VPS13B: variants seen among roughly 807,000 people sequenced by gnomAD.
VPS13B encodes the protein vacuolar protein sorting 13 homolog B, also known as intermembrane lipid transfer protein VPS13B.
A neutral mutation model predicts 426.4 loss-of-function variants in VPS13B; 285 were observed. The observed-to-expected ratio is 0.67, with a 90% CI of 0.61 to 0.74. The LOEUF (loss-of-function observed/expected upper bound fraction) is 0.74. Ranked by LOEUF, VPS13B falls within the 30% of genes least tolerant of loss-of-function variation. VPS13B has a pLI of 0.00. For missense variants in VPS13B, 4,537 were observed against 4,782.6 expected (o/e 0.95, Z 1.51); for synonymous variants, 1,676 against 1,676.4 (o/e 1.00, Z 0.01).
intron 19 of VPS13B, among the ~76,000 whole-genome samples, chr8:99,379,362 G>C (rs184378647): frequency 1.6e-4 from 25 of 151,986 alleles, no homozygotes; most frequent in African/African-American, 5.5e-4. Flanking sequence ...GCGGATGGGC[G>C]GGGGGGCAAC....
chr8:99,791,138 G>A (rs770152750), intron 43 of VPS13B, among the ~76,000 whole-genome samples: 2 of 152,112 alleles, frequency 1.3e-5, no homozygotes, highest in African/African-American at 2.4e-5. Flanking sequence ...GCAAGTTATG[G>A]TCAAGGGATT....
chr8:99,791,268 G>A (rs1417772163), intron 43 of VPS13B, among the ~76,000 whole-genome samples: 8 of 152,094 alleles, frequency 5.3e-5, no homozygotes, highest in Admixed American at 4.6e-4. Context: ...CAACTTTCAT[G>A]GTGTAAATAC....
chr8:99,412,492 A>T (rs566116820), intron 21 of VPS13B, among the ~76,000 whole-genome samples: 1 of 152,240 alleles, frequency 6.6e-6, no homozygotes, highest in East Asian at 1.9e-4. Flanking sequence ...GGGTTTTCTA[A>T]ATATACAATC....
At position 99,051,957 on chromosome 8, in the gene VPS13B, A is replaced by G. The variant is rs539148858; in HGVS notation, c.291+13391A>G. On this transcript the variant is annotated intron_variant, in intron 3 of 61. Coordinates refer to ENST00000357162, the MANE Select transcript of VPS13B (RefSeq NM_152564.5). ...TGAGATGATGGGGTTTTCTCGATATACAATCATGTCATCCACAAACAGGGA... is the reference window on the plus strand; with the variant it reads ...TGAGATGATGGGGTTTTCTCGATATGCAATCATGTCATCCACAAACAGGGA... Among the ~76,000 whole-genome samples, 9 of 152,338 alleles carry G rather than the reference A, an allele frequency of 5.9e-5. No homozygotes were observed. The East Asian group carries it at 1.7e-3, about 29-fold the overall frequency.
chr8:99,822,765 A>G (rs1403075880), intron 50 of VPS13B, among the ~76,000 whole-genome samples: 3 of 152,192 alleles, frequency 2.0e-5, no homozygotes, highest in Non-Finnish European at 4.4e-5. Context: ...TGTGGGTTAT[A>G]TCAGTATTTA....
chr8:99,021,419 G>A (rs1388760510), intron 2 of VPS13B, among the ~76,000 whole-genome samples: 3 of 152,022 alleles, frequency 2.0e-5, no homozygotes, highest in Non-Finnish European at 2.9e-5. Flanking sequence ...TCAGGAGTTC[G>A]AGACCAGCCT....
At chr8:99,572,099 A>G (rs1461016041) in intron 31 of VPS13B, among the ~76,000 whole-genome samples, 5 of 152,198 alleles carry the variant, frequency 3.3e-5, no homozygotes, top group Admixed American at 3.3e-4. Flanking sequence ...ATAAGGGAAT[A>G]ATAAGGGCAT....
chr8:99,343,648 CA>C (rs1811372366), intron 19 of VPS13B, among the ~76,000 whole-genome samples: 1 of 152,070 alleles, frequency 6.6e-6, no homozygotes, highest in South Asian at 2.1e-4. Context: ...ACACTAATAA[CA>C]AACTATCCGA....
chr8:99,577,278 C>T (rs1312976116), intron 32 of VPS13B, among the ~76,000 whole-genome samples: 1 of 152,052 alleles, frequency 6.6e-6, no homozygotes, highest in African/African-American at 2.4e-5. Flanking sequence ...TAGCACAAGG[C>T]CCAACACACA....
At position 99,013,930 on chromosome 8, in the gene VPS13B, G is replaced by T. The variant is rs533575514; in HGVS notation, c.142G>T (p.Glu48Ter). Residue 48 changes from glutamate (E) to a stop codon, truncating the protein, a stop_gained, in exon 2 of 62, where the codon GAA becomes TAA. Coordinates refer to ENST00000357162, the MANE Select transcript of VPS13B (RefSeq NM_152564.5). LOFTEE classifies it high-confidence loss of function. ...GCTCGAGTTAAAGTTGGATGTGCTGGAACAGGTAAGCTATTTAGCTGTCAT... is the reference window on the plus strand; with the variant it reads ...GCTCGAGTTAAAGTTGGATGTGCTGTAACAGGTAAGCTATTTAGCTGTCAT... ...SKLELKLDVL[E>*]QELKLPFTFL... is the part of the protein sequence containing the mutation. 1 of 1,614,088 alleles carries T rather than the reference G, an allele frequency of 6.2e-7. No homozygotes were observed. The highest frequency in any genetic ancestry group is 1.3e-5 in the African/African-American group (1 of 75,010).
intron 17 of VPS13B, among the ~76,000 whole-genome samples, chr8:99,232,329 T>A (rs975926180): frequency 6.6e-6 from 1 of 152,144 alleles, no homozygotes; most frequent in African/African-American, 2.4e-5. Flanking sequence ...TGACAGAGTT[T>A]CCTTTTCAAG....
At chr8:99,028,566 A>G (rs867217097) in intron 2 of VPS13B, among the ~76,000 whole-genome samples, 34,196 of 47,580 alleles carry the variant, frequency 0.72, 13,785 homozygotes, top group South Asian at 0.88. Flanking sequence ...CTGGCCGGGC[A>G]GGGGGCTGAC....
intron 21 of VPS13B, among the ~76,000 whole-genome samples, chr8:99,402,729 A>G (rs1246622275): frequency 1.3e-5 from 2 of 152,244 alleles, no homozygotes; most frequent in African/African-American, 4.8e-5. Flanking sequence ...TGACCAGTGA[A>G]TATACTAATA....
intron 58 of VPS13B, among the ~76,000 whole-genome samples, chr8:99,867,793 A>G (rs1255098121): frequency 1.3e-5 from 2 of 152,346 alleles, no homozygotes; most frequent in Middle Eastern, 3.4e-3. Context: ...TACTATATCA[A>G]TAATTACTCT....
chr8:99,736,939 C>A (rs945821773), intron 39 of VPS13B, among the ~76,000 whole-genome samples: 3 of 151,758 alleles, frequency 2.0e-5, no homozygotes, highest in African/African-American at 4.8e-5. Flanking sequence ...AAATAATTTT[C>A]CCAAGGGCAT....
chr8:99,613,549 G>A (rs539310138), intron 33 of VPS13B, among the ~76,000 whole-genome samples: 19 of 152,244 alleles, frequency 1.2e-4, no homozygotes, highest in Middle Eastern at 6.8e-3. Flanking sequence ...TATTTACTAG[G>A]TGCTTAATAT....
intron 17 of VPS13B, among the ~76,000 whole-genome samples, chr8:99,273,457 C>T (rs563544372): frequency 2.6e-5 from 4 of 152,024 alleles, no homozygotes; most frequent in East Asian, 1.9e-4. Flanking sequence ...TGAGTCACCG[C>T]GCCCAGCCTT....
At chr8:99,315,692 A>C (rs1435205833) in intron 19 of VPS13B, among the ~76,000 whole-genome samples, 3 of 149,504 alleles carry the variant, frequency 2.0e-5, no homozygotes, top group Non-Finnish European at 3.0e-5. Context: ...GCTGGAGTGC[A>C]GTGGTGTGAT....
Position 99,149,463 on chromosome 8 carries a change from G to A in VPS13B, c.2013+1453G>A, listed in dbSNP as rs141265850. The stretch of plus-strand genomic sequence containing the variant: ...CTTCTGAGTAGCTGGGACTATGGGC[G>A]CATGCCACCACGCCCGACTAATTTT... On this transcript the variant is annotated intron_variant, in intron 14 of 61. Coordinates refer to ENST00000357162, the MANE Select transcript of VPS13B (RefSeq NM_152564.5). 6.5e-3 allele frequency among the ~76,000 whole-genome samples: 981 copies of A among 152,056 alleles called. 7 individuals carry two copies. The highest frequency in any genetic ancestry group is 0.022 in the African/African-American group (904 of 41,478).
Sources: allele counts gnomAD v4.1 joint callset (sites outside exome capture counted in the v4.1 genomes callset), GRCh38; gene constraint gnomAD v4.1.1; transcripts MANE v1.5; gene names NCBI Gene and HGNC (gene_info 2026-07-23, HGNC 2026-07-21).